Variants in ZNF578 observed in about 807,000 individuals in gnomAD.
ZNF578 encodes zinc finger protein 578, also known as Putative chemokine-related protein B42.
In ZNF578, 8 loss-of-function variants were observed where a neutral mutation model predicts 8.3. The ratio of observed to expected loss-of-function variants is 0.96; its 90% CI spans 0.56 to 1.74. The LOEUF (loss-of-function observed/expected upper bound fraction) is 1.74. Ranked by LOEUF, ZNF578 falls within the 40% of genes most tolerant of loss-of-function variation. The pLI is 0.00. For missense variants in ZNF578, 726 were observed against 707.5 expected (o/e 1.03, Z -0.30); for synonymous variants, 206 against 232.2 (o/e 0.89, Z 1.03).
At chr19:52,465,458 C>G (rs2059271760) in intron 2 of ZNF578, among the ~76,000 whole-genome samples, 1 of 152,194 alleles carries the variant, frequency 6.6e-6, no homozygotes, top group Non-Finnish European at 1.5e-5. Flanking sequence ...GATTATCAAA[C>G]TCCTCTCTCT....
Position 52,465,478 on chromosome 19 carries a change from A to C in ZNF578, c.-122+8520A>C, listed in dbSNP as rs543156619. Among the ~76,000 whole-genome samples, 32 of 152,164 alleles carry C rather than the reference A, an allele frequency of 2.1e-4. No individual in the cohort carries two copies. In the South Asian group the frequency reaches 6.4e-3, roughly 31 times the overall value. On this transcript the variant is annotated intron_variant, in intron 2 of 5. Coordinates refer to ENST00000421239, the MANE Select transcript of ZNF578 (RefSeq NM_001099694.2). ...TCAAACTCCTCTCTCTCCTCCTCTG[A>C]CTCAGCCTCATCGTCTGTCTGAAAA...
At chr19:52,491,066 CT>C (rs1202909324) in intron 2 of ZNF578, among the ~76,000 whole-genome samples, 1 of 152,064 alleles carries the variant, frequency 6.6e-6, no homozygotes, top group African/African-American at 2.4e-5. Flanking sequence ...ACACTCCTGA[CT>C]TTAGGCTTAC....
At chr19:52,465,461 C>A (rs1204343177) in intron 2 of ZNF578, among the ~76,000 whole-genome samples, 1 of 152,144 alleles carries the variant, frequency 6.6e-6, no homozygotes, top group Non-Finnish European at 1.5e-5. Context: ...TATCAAACTC[C>A]TCTCTCTCCT....
intron 2 of ZNF578, chr19:52,474,153 A>G: frequency 3.1e-6 from 1 of 324,172 alleles, no homozygotes; most frequent in Admixed American, 3.9e-5. Context: ...TGACATTTGT[A>G]AGGTTTCTTT....
At chr19:52,456,476 A>G (rs542406939) in intron 1 of ZNF578, 1 of 152,240 alleles carries the variant, frequency 6.6e-6, no homozygotes, top group Non-Finnish European at 1.5e-5. Context: ...TGTGTCTTCC[A>G]TTTCTGAAAG....
intron 2 of ZNF578, among the ~76,000 whole-genome samples, chr19:52,479,363 A>G (rs77531027): frequency 0.1 from 15,119 of 151,708 alleles, 1,282 homozygotes; most frequent in East Asian, 0.33. Flanking sequence ...GTGAAACCCC[A>G]TCTCTACTAA....
intron 2 of ZNF578, among the ~76,000 whole-genome samples, chr19:52,481,972 A>T (rs2122844699): frequency 6.6e-6 from 1 of 152,068 alleles, no homozygotes; most frequent in Admixed American, 6.5e-5. Context: ...GGCTCAAAGG[A>T]TCCTCCTGCC....
intron 2 of ZNF578, chr19:52,458,713 T>C (rs1320001219): frequency 6.6e-6 from 1 of 151,980 alleles, no homozygotes; most frequent in African/African-American, 2.4e-5. Context: ...GTAAGACAAA[T>C]CTTTCATTTA....
At position 52,511,751 on chromosome 19, in the gene ZNF578, G is replaced by T. The variant is rs747257901; in HGVS notation, c.1370G>T (p.Cys457Phe). The T allele has an allele frequency of 5.6e-6, 9 of 1,613,328 alleles. No homozygotes were observed. In the East Asian group the frequency reaches 2.0e-4, roughly 36 times the overall value. ...RLHTGEKSYKCEECDRVFSQK... is the reference protein window; with the variant it reads ...RLHTGEKSYKFEECDRVFSQK... ...CATACTGGAGAGAAATCTTACAAAT[G>T]TGAAGAATGTGACAGAGTTTTCAGT... The change falls in exon 6 of 6, where the codon TGT (cysteine) becomes TTT (phenylalanine). Residue 457 changes from cysteine to phenylalanine, a missense_variant. By Grantham distance (205) the Cys-to-Phe change is radical. Coordinates refer to ENST00000421239, the MANE Select transcript of ZNF578 (RefSeq NM_001099694.2).
chr19:52,508,473 G>T (rs1281754605), intron 5 of ZNF578, among the ~76,000 whole-genome samples: 1 of 151,864 alleles, frequency 6.6e-6, no homozygotes. Flanking sequence ...CCATCTGCAG[G>T]AACATCCTAT....
intron 3 of ZNF578, 121 bp from the exon 4 acceptor site, chr19:52,501,706 T>C (rs1388547741): frequency 2.1e-6 from 2 of 936,156 alleles, no homozygotes; most frequent in East Asian, 5.1e-5. Context: ...TGATCTCTGG[T>C]GCAGTGGGCA....
chr19:52,454,519 AT>A (rs1422559632), intron 1 of ZNF578: 5 of 152,202 alleles, frequency 3.3e-5, no homozygotes, highest in Non-Finnish European at 5.9e-5. Flanking sequence ...AGTCTTCAGT[AT>A]TTATTAATTT....
chr19:52,502,198 G>C (rs1354154020), intron 4 of ZNF578, among the ~76,000 whole-genome samples: 6 of 152,166 alleles, frequency 3.9e-5, no homozygotes, highest in Admixed American at 3.3e-4. Context: ...GTGTGGGCCC[G>C]TTGATGTCAT....
chr19:52,459,769 A>ATATATATTTT (rs1555751349), intron 2 of ZNF578, among the ~76,000 whole-genome samples: 598 of 17,618 alleles, frequency 0.034, 173 homozygotes, highest in East Asian at 0.066. Flanking sequence ...ATATATATAT[A>ATATATATTTT]TTTTTTTTTT....
intron 2 of ZNF578, among the ~76,000 whole-genome samples, chr19:52,463,040 A>G (rs943044696): frequency 1.3e-5 from 2 of 152,166 alleles, no homozygotes; most frequent in Non-Finnish European, 2.9e-5. Flanking sequence ...AGCCAATTGT[A>G]ATTGCATATG....
At position 52,500,353 on chromosome 19, in the gene ZNF578, G is replaced by C. The variant is rs547964877; in HGVS notation, c.-19-1474G>C. 1.3e-4 allele frequency among the ~76,000 whole-genome samples: 20 copies of C among 152,060 alleles called. No homozygotes were observed. The Middle Eastern group carries it at 0.01, about 78-fold the overall frequency. ...GGCAGGAAGACTTGAAGCAGGGAAG[G>C]GGCTTTTAGGTCACAGAGAACTGAG... On this transcript the variant is annotated intron_variant, in intron 3 of 5. Coordinates refer to ENST00000421239, the MANE Select transcript of ZNF578 (RefSeq NM_001099694.2).
chr19:52,487,941 G>A (rs920826308), intron 2 of ZNF578, among the ~76,000 whole-genome samples: 4 of 142,798 alleles, frequency 2.8e-5, no homozygotes, highest in Admixed American at 7.3e-5. Context: ...GTGGCATCTG[G>A]CCTACATAGC....
At chr19:52,504,609 A>T in intron 4 of ZNF578, 46 bp from the exon 5 acceptor site, 1 of 1,612,960 alleles carries the variant, frequency 6.2e-7, no homozygotes, top group East Asian at 2.2e-5. Context: ...GAAGGTGATA[A>T]CTCAATCCTC....
At chr19:52,495,173 T>TATTATTATTATTATTATCATTATTATC in intron 3 of ZNF578, among the ~76,000 whole-genome samples, 1 of 138,494 alleles carries the variant, frequency 7.2e-6, no homozygotes, top group Non-Finnish European at 1.6e-5. Flanking sequence ...TTAGTAGTAG[T>TATTATTATTATTATTATCATTATTATC]AGTTTTTTGA....
Sources: gnomAD v4.1 joint callset for allele counts (sites outside exome capture counted in the v4.1 genomes callset) on GRCh38, gnomAD v4.1.1 for gene constraint, MANE v1.5 for transcripts, NCBI Gene and HGNC (gene_info 2026-07-23, HGNC 2026-07-21) for gene names.